PLCB1: variants seen among roughly 807,000 people sequenced by gnomAD.
The protein encoded by PLCB1 is 1-phosphatidylinositol 4,5-bisphosphate phosphodiesterase beta-1.
Under a neutral mutation model 161.8 loss-of-function variants are expected in PLCB1, and 46 were observed. The ratio of observed to expected loss-of-function variants is 0.28; its 90% confidence interval spans 0.22 to 0.36. PLCB1 has a LOEUF of 0.36. PLCB1 is among the 10% of genes least tolerant of loss of function. The pLI, the probability that PLCB1 is intolerant of heterozygous loss-of-function variation, is 1.00. For missense variants in PLCB1, 1,016 were observed against 1,472.5 expected (o/e 0.69, Z 5.07); for synonymous variants, 517 against 503.7 (o/e 1.03, Z -0.35).
chr20:8,240,875 G>A (rs1050692187), intron 2 of PLCB1, among the ~76,000 whole-genome samples: 3 of 151,812 alleles, frequency 2.0e-5, no homozygotes, highest in Non-Finnish European at 1.5e-5. Flanking sequence ...ATGAAATTTT[G>A]CTTCATACTT....
At chr20:8,804,044 CA>C (rs1264560092) in intron 31 of PLCB1, among the ~76,000 whole-genome samples, 2 of 152,028 alleles carry the variant, frequency 1.3e-5, no homozygotes, top group Non-Finnish European at 2.9e-5. Context: ...CCGCCTGCCT[CA>C]GGCTCCCAAA....
intron 23 of PLCB1, chr20:8,752,479 G>A (rs1373257573): frequency 1.3e-5 from 2 of 152,076 alleles, no homozygotes; most frequent in Non-Finnish European, 1.5e-5. Context: ...GTCTCCATTC[G>A]GTAAATGGAA....
intron 2 of PLCB1, among the ~76,000 whole-genome samples, chr20:8,279,395 G>T (rs573068590): frequency 6.6e-6 from 1 of 152,180 alleles, no homozygotes; most frequent in Non-Finnish European, 1.5e-5. Context: ...AATATTGTAG[G>T]ATTAAAATAG....
chr20:8,257,617 C>T lies in PLCB1; in HGVS notation c.177+107246C>T, dbSNP rs117715017. On this transcript the variant is annotated intron_variant, in intron 2 of 31. Coordinates refer to ENST00000338037, the MANE Select transcript of PLCB1 (RefSeq NM_015192.4). ...AGAACAGGGATAATAATGGTTCCTA[C>T]GTCACAGGGTGATTGTGAGAATTCC... Among the ~76,000 whole-genome samples the T allele has an allele frequency of 3.7e-3, 560 of 152,212 alleles. 4 individuals are homozygous for T. Among genetic ancestry groups the T allele is most frequent in the Middle Eastern group, 0.034 (10 of 294 alleles).
rs1989384297 is a variant in PLCB1 at position 8,653,923 on chromosome 20, A to G, written c.595-3261A>G. ...GTGTTCCTATCTATAAAAGTAGTACAGTAATAATGCCAACTGCATAGAGTT... is the reference window on the plus strand; with the variant it reads ...GTGTTCCTATCTATAAAAGTAGTACGGTAATAATGCCAACTGCATAGAGTT... On this transcript the variant is annotated intron_variant, in intron 7 of 31. Coordinates refer to ENST00000338037, the MANE Select transcript of PLCB1 (RefSeq NM_015192.4). Among the ~76,000 whole-genome samples, 2 of 152,098 alleles carry G rather than the reference A, an allele frequency of 1.3e-5. 1 individual carries two copies. Among genetic ancestry groups the G allele is most frequent in the South Asian group, 4.1e-4 (2 of 4,834 alleles).
At chr20:8,745,129 A>G (rs948679400) in intron 23 of PLCB1, among the ~76,000 whole-genome samples, 1 of 152,152 alleles carries the variant, frequency 6.6e-6, no homozygotes, top group African/African-American at 2.4e-5. Flanking sequence ...TTCCTTTGAC[A>G]TGTCTAAACT....
chr20:8,277,668 T>A (rs1982650902), intron 2 of PLCB1, among the ~76,000 whole-genome samples: 1 of 152,152 alleles, frequency 6.6e-6, no homozygotes, highest in Non-Finnish European at 1.5e-5. Context: ...TGTTTAATAT[T>A]ACAGAACTAA....
At chr20:8,159,702 A>T (rs976363556) in intron 2 of PLCB1, among the ~76,000 whole-genome samples, 6 of 151,940 alleles carry the variant, frequency 3.9e-5, no homozygotes, top group Admixed American at 2.6e-4. Context: ...AATTTCTTCC[A>T]CCAGGCCGGG....
intron 2 of PLCB1, among the ~76,000 whole-genome samples, chr20:8,175,308 A>G (rs2051771279): frequency 6.6e-6 from 1 of 152,184 alleles, no homozygotes; most frequent in African/African-American, 2.4e-5. Context: ...AATACCTTAA[A>G]GGTAAAAGCA....
chr20:8,757,163 A>T lies in PLCB1; in HGVS notation c.2641A>T (p.Ser881Cys). 1.2e-6 allele frequency: 2 copies of T among 1,611,272 alleles called. No individual in the cohort carries two copies. The highest frequency in any genetic ancestry group is 1.7e-6 in the Non-Finnish European group (2 of 1,178,772). Reference sequence around the variant, plus strand: ...CAAGCCACCCTCCCAGGCTCTCCACAGCCAGCCAGCTCCAGGTAAGCCATC... The same window carrying T: ...CAAGCCACCCTCCCAGGCTCTCCACTGCCAGCCAGCTCCAGGTAAGCCATC... ...TPKPPSQALH[S>C]QPAPGSVKAP... is the part of the protein sequence containing the mutation. Residue 881 changes from serine (S) to cysteine (C), a missense_variant, in exon 24 of 32, where the codon AGC becomes TGC. By Grantham distance (112) the Ser-to-Cys change is moderately radical (BLOSUM62 -1). Around this residue, in one of 10 missense-constraint regions of PLCB1, gnomAD observed 398 missense variants for 445.4 expected, o/e 0.89. Transcript: ENST00000338037.
At chr20:8,712,595 A>T (rs1055462379) in intron 12 of PLCB1, among the ~76,000 whole-genome samples, 1 of 152,244 alleles carries the variant, frequency 6.6e-6, no homozygotes, top group African/African-American at 2.4e-5. Context: ...TTATAAAAAG[A>T]ATTCTACACC....
In PLCB1 at chr20:8,433,709, CTCCTCCTCCTCCTCA is replaced by C. The variant is rs957613316; in HGVS notation, c.246+62274_246+62288del. The stretch of plus-strand genomic sequence containing the variant: ...TGACGAGTGTATCCTTCTCCTCTTC[CTCCTCCTCCTCCTCA>C]TCCTCCTCCTCCTCCTCCTCATGGA... On this transcript the variant is annotated intron_variant, in intron 3 of 31. Coordinates refer to ENST00000338037, the MANE Select transcript of PLCB1 (RefSeq NM_015192.4). Among the ~76,000 whole-genome samples, 10 of 122,190 alleles carry C rather than the reference CTCCTCCTCCTCCTCA, an allele frequency of 8.2e-5. 1 individual carries two copies. The highest frequency in any genetic ancestry group is 1.9e-4 in the East Asian group (1 of 5,136). The allele number at this position is 122,190 out of a possible 152,430, so 80.2% of individuals were successfully genotyped here.
chr20:8,550,481 C>T (rs571415331), intron 3 of PLCB1, among the ~76,000 whole-genome samples: 1 of 151,956 alleles, frequency 6.6e-6, no homozygotes, highest in African/African-American at 2.4e-5. Flanking sequence ...CTCTCATTCT[C>T]TCTTCTGTCA....
At chr20:8,455,212 C>T (rs1187149510) in intron 3 of PLCB1, among the ~76,000 whole-genome samples, 1 of 151,158 alleles carries the variant, frequency 6.6e-6, no homozygotes, top group Non-Finnish European at 1.5e-5. Flanking sequence ...CCTGTAATCC[C>T]AGCTACTTGG....
intron 3 of PLCB1, among the ~76,000 whole-genome samples, chr20:8,430,479 A>ACAGGAT (rs1162219643): frequency 6.6e-6 from 1 of 152,178 alleles, no homozygotes; most frequent in African/African-American, 2.4e-5. Context: ...TTGCCTGGGA[A>ACAGGAT]CAGGATGGGC....
rs181278427 is a variant in PLCB1, at chr20:8,472,681, A to G, written c.246+101231A>G. Among the ~76,000 whole-genome samples the G allele has an allele frequency of 2.7e-3, 409 of 152,222 alleles. 2 individuals carry two copies. Among genetic ancestry groups the G allele is most frequent in the African/African-American group, 9.4e-3 (390 of 41,548 alleles). On this transcript the variant is annotated intron_variant, in intron 3 of 31. Coordinates refer to ENST00000338037, the MANE Select transcript of PLCB1 (RefSeq NM_015192.4). ...CAACACTGCAAAACTTTGTCTCAAA[A>G]AAAAAAAAGTTATCTTCGTCATTGA...
At chr20:8,151,733 A>G (rs531189496) in intron 2 of PLCB1, among the ~76,000 whole-genome samples, 2 of 152,268 alleles carry the variant, frequency 1.3e-5, no homozygotes, top group African/African-American at 4.8e-5. Flanking sequence ...ATATTCATGA[A>G]CGATGTACTT....
chr20:8,357,492 T>C (rs932075295), intron 2 of PLCB1, among the ~76,000 whole-genome samples: 12 of 152,124 alleles, frequency 7.9e-5, no homozygotes, highest in African/African-American at 2.9e-4. Context: ...TGATTTTTTT[T>C]CTCCACTATA....
chr20:8,462,931 C>T lies in PLCB1; in HGVS notation c.246+91481C>T, dbSNP rs573174263. The stretch of plus-strand genomic sequence containing the variant: ...GAACCTCCTTTCATGAGTAGAAAGG[C>T]AAAGCATTGTGAAGGGAGCACCTTT... On this transcript the variant is annotated intron_variant, in intron 3 of 31. Transcript: ENST00000338037. Among the ~76,000 whole-genome samples, 5 of 151,396 alleles carry T rather than the reference C, an allele frequency of 3.3e-5. No individual in the cohort carries two copies. In the South Asian group the frequency reaches 1.0e-3, roughly 32 times the overall value.
Sources: allele counts gnomAD v4.1 joint callset (sites outside exome capture counted in the v4.1 genomes callset), GRCh38; gene constraint gnomAD v4.1.1; regional missense constraint gnomAD v4.1.1; transcripts MANE v1.5; gene names NCBI Gene and HGNC (gene_info 2026-07-23, HGNC 2026-07-21).